MYO10: variants seen among roughly 807,000 people sequenced by gnomAD.
MYO10 encodes unconventional myosin-X.
MYO10 carries 133 observed loss-of-function variants against 257.3 expected under a neutral mutation model. The ratio of observed to expected loss-of-function variants is 0.52; its 90% CI spans 0.45 to 0.60. MYO10 has a LOEUF of 0.60. MYO10 is among the 20% of genes least tolerant of loss of function. The pLI, the probability that MYO10 is intolerant of heterozygous loss-of-function variation, is 0.00. For synonymous variants in MYO10, 1,104 were observed against 1,028.6 expected (o/e 1.07, Z -1.40); for missense variants, 2,399 against 2,635.7 (o/e 0.91, Z 1.97).
At chr5:16,794,905 A>C in intron 3 of MYO10, 72 bp from the exon 4 acceptor site, 75 of 1,200,424 alleles carry the variant, frequency 6.2e-5, no homozygotes, top group Middle Eastern at 2.1e-4. Context: ...AACAAAACCC[A>C]CCGAGTGTGC....
chr5:16,827,507 G>A (rs957386577), intron 2 of MYO10, among the ~76,000 whole-genome samples: 4 of 152,092 alleles, frequency 2.6e-5, no homozygotes, highest in African/African-American at 7.2e-5. Context: ...GGCTGGTCTC[G>A]AACTCCCGTA....
At chr5:16,778,917 C>G (rs1402095600) in intron 9 of MYO10, among the ~76,000 whole-genome samples, 2 of 152,056 alleles carry the variant, frequency 1.3e-5, no homozygotes, top group Admixed American at 6.6e-5. Flanking sequence ...GTCTCAATCT[C>G]CTGACCTCGT....
chr5:16,749,219 C>T (rs961791967), intron 19 of MYO10, among the ~76,000 whole-genome samples: 1 of 152,068 alleles, frequency 6.6e-6, no homozygotes, highest in Non-Finnish European at 1.5e-5. Flanking sequence ...TTACTCCATG[C>T]TGCACGCAGT....
chr5:16,770,959 G>A (rs998684768), intron 9 of MYO10, among the ~76,000 whole-genome samples: 1 of 152,118 alleles, frequency 6.6e-6, no homozygotes, highest in Non-Finnish European at 1.5e-5. Context: ...GTAGATACGA[G>A]GTTTCTCCAT....
chr5:16,699,417 CT>C lies in MYO10; in HGVS notation c.3556+32del, dbSNP rs531226529. 87 of 1,609,412 alleles carry C rather than the reference CT, an allele frequency of 5.4e-5. No individual in the cohort carries two copies. In the African/African-American group the frequency reaches 8.4e-4, roughly 16 times the overall value. On this transcript the variant is annotated intron_variant, in intron 26 of 40. Coordinates refer to ENST00000513610, the MANE Select transcript of MYO10 (RefSeq NM_012334.3). Reference sequence around the variant, plus strand: ...GATAAAATAACGCCTCGCTCTCCCCCTAACCCAGACTCCATGGCGGCTGCAG... The same window carrying C: ...GATAAAATAACGCCTCGCTCTCCCCCAACCCAGACTCCATGGCGGCTGCAG...
chr5:16,918,790 C>A (rs1368434211), intron 1 of MYO10, among the ~76,000 whole-genome samples: 1 of 152,054 alleles, frequency 6.6e-6, no homozygotes, highest in East Asian at 1.9e-4. Flanking sequence ...CGTGAGCCAC[C>A]GCGCCTGGCC....
chr5:16,824,016 C>T (rs2402294), intron 2 of MYO10, among the ~76,000 whole-genome samples: 70,531 of 151,720 alleles, frequency 0.46, 17,921 homozygotes, highest in East Asian at 0.6. Flanking sequence ...AAGTACAAAC[C>T]GCTGGTAACA....
intron 19 of MYO10, among the ~76,000 whole-genome samples, chr5:16,754,230 T>C (rs1300558126): frequency 6.6e-6 from 1 of 152,216 alleles, no homozygotes; most frequent in Non-Finnish European, 1.5e-5. Flanking sequence ...CTATAGTTTC[T>C]TTGTTTAGGT....
chr5:16,676,575 T>C (rs1736732963), intron 33 of MYO10, among the ~76,000 whole-genome samples: 1 of 151,536 alleles, frequency 6.6e-6, no homozygotes, highest in African/African-American at 2.4e-5. Context: ...ATTAGCCGGG[T>C]GTGGTGGCTG....
chr5:16,919,035 T>C (rs952720146), intron 1 of MYO10, among the ~76,000 whole-genome samples: 1 of 152,154 alleles, frequency 6.6e-6, no homozygotes, highest in Non-Finnish European at 1.5e-5. Context: ...GAAGCAAATA[T>C]GCATTCCTGA....
intron 1 of MYO10, among the ~76,000 whole-genome samples, chr5:16,919,885 G>A (rs890869718): frequency 1.3e-5 from 2 of 152,044 alleles, no homozygotes; most frequent in Non-Finnish European, 2.9e-5. Flanking sequence ...GGCTAAGGTG[G>A]GTGGATCACG....
intron 1 of MYO10, among the ~76,000 whole-genome samples, chr5:16,907,233 T>C (rs2126789257): frequency 6.6e-6 from 1 of 152,358 alleles, no homozygotes; most frequent in South Asian, 2.1e-4. Flanking sequence ...TGCCTCTTTG[T>C]TAACTTTTAT....
At chr5:16,808,507 C>T (rs150152126) in intron 3 of MYO10, among the ~76,000 whole-genome samples, 1 of 152,136 alleles carries the variant, frequency 6.6e-6, no homozygotes, top group East Asian at 1.9e-4. Flanking sequence ...CACTTAGAAA[C>T]AATTTTTTAA....
chr5:16,699,412 T>G, intron 26 of MYO10, 38 bp downstream of exon 26: 1 of 1,598,416 alleles, frequency 6.3e-7, no homozygotes, highest in Non-Finnish European at 8.5e-7. Flanking sequence ...CGCCTCGCTC[T>G]CCCCCTAACC....
intron 1 of MYO10, among the ~76,000 whole-genome samples, chr5:16,899,161 C>T (rs1473643396): frequency 6.7e-6 from 1 of 148,392 alleles, no homozygotes; most frequent in East Asian, 2.0e-4. Flanking sequence ...AAAGTGCTAG[C>T]GTGTGAGCAA....
At chr5:16,752,700 C>CT (rs1305493007) in intron 19 of MYO10, among the ~76,000 whole-genome samples, 1 of 152,188 alleles carries the variant, frequency 6.6e-6, no homozygotes. Flanking sequence ...TGAGCAACTC[C>CT]TGGGAGTCTA....
intron 19 of MYO10, among the ~76,000 whole-genome samples, chr5:16,732,029 G>A (rs1293332398): frequency 6.6e-6 from 1 of 152,190 alleles, no homozygotes; most frequent in African/African-American, 2.4e-5. Flanking sequence ...GAGGGGGTCT[G>A]TGTGAGGAAT....
At chr5:16,822,288 ATAAT>A (rs1252572814) in intron 2 of MYO10, among the ~76,000 whole-genome samples, 2 of 152,232 alleles carry the variant, frequency 1.3e-5, no homozygotes, top group Admixed American at 6.5e-5. Flanking sequence ...AGTCAAGCAA[ATAAT>A]TCCTATGAGG....
rs1230627070 is a variant in MYO10 at position 16,852,233 on chromosome 5, G to GC, written c.120+25375dup. Among the ~76,000 whole-genome samples the GC allele has an allele frequency of 3.6e-5, 4 of 111,722 alleles. No homozygotes were observed. In the East Asian group the frequency reaches 9.5e-4, roughly 26 times the overall value. 73.3% of individuals were successfully genotyped at this position (111,722 alleles called of 152,430 possible). A position where few individuals can be genotyped will look rare whatever the true frequency, so the allele number is the denominator to read the frequency against. ...GGACAATATACAATTGAGAGTACAG[G>GC]CTAAAAAAAAAAAAAAACAGGCACA... On this transcript the variant is annotated intron_variant, in intron 2 of 40. Coordinates refer to ENST00000513610, the MANE Select transcript of MYO10 (RefSeq NM_012334.3).
Sources: gnomAD v4.1 joint callset for allele counts (sites outside exome capture counted in the v4.1 genomes callset) on GRCh38, gnomAD v4.1.1 for gene constraint, MANE v1.5 for transcripts, NCBI Gene and HGNC (gene_info 2026-07-23, HGNC 2026-07-21) for gene names.